CLTC: variants seen among roughly 807,000 people sequenced by gnomAD.
CLTC encodes the protein clathrin heavy chain.
In CLTC, 16 loss-of-function variants were observed where a neutral mutation model predicts 195.8. The observed-to-expected ratio is 0.08, with a 90% CI of 0.06 to 0.12. CLTC has a LOEUF of 0.12. Among genes scored for constraint, CLTC ranks in the 10% least tolerant of loss-of-function variants. The pLI, the probability that CLTC is intolerant of heterozygous loss-of-function variation, is 1.00. For missense variants in CLTC, 796 were observed against 2,027.0 expected, an observed-to-expected ratio of 0.39 and a Z score of 11.66; for synonymous variants, 667 against 689.4, an observed-to-expected ratio of 0.97 and a Z score of 0.51.
At chr17:59,656,172 T>G (rs1409460566) in intron 6 of CLTC, 145 bp downstream of exon 6, 2 of 639,806 alleles carry the variant, frequency 3.1e-6, no homozygotes, top group Middle Eastern at 3.1e-4. Flanking sequence ...AAGTAAATAG[T>G]AACTTTGGAT....
rs2033077979 is a variant in CLTC at position 59,681,344 on chromosome 17, C to T, written c.3115C>T (p.Arg1039Cys). ...ILTAIKADRT[R>C]VMEYINRLDN... ...CACTGCAATTAAGGCTGACCGTACA[C>T]GTGTTATGGAGTATATTAACCGCCT... The change falls in exon 20 of 32, where the codon CGT becomes TGT. Residue 1039 changes from arginine to cysteine, a missense_variant. Arg to Cys is a radical substitution (Grantham distance 180). Coordinates refer to ENST00000269122, the MANE Select transcript of CLTC (RefSeq NM_004859.4). This position sits in a 1 kb window ranked among gnomAD's most constrained non-coding sequence, Gnocchi z 5.0. 5 of 1,614,066 alleles carry T rather than the reference C, an allele frequency of 3.1e-6. No homozygotes were observed. The highest frequency in any genetic ancestry group is 1.3e-5 in the African/African-American group (1 of 75,030).
intron 10 of CLTC, among the ~76,000 whole-genome samples, chr17:59,665,155 G>T (rs1598226577): frequency 6.6e-6 from 1 of 151,906 alleles, no homozygotes; most frequent in East Asian, 1.9e-4. Flanking sequence ...AGCCTGGGAG[G>T]TCGAGGCTGC....
chr17:59,678,003 C>T (rs1021051580), intron 17 of CLTC, among the ~76,000 whole-genome samples: 1 of 152,170 alleles, frequency 6.6e-6, no homozygotes, highest in African/African-American at 2.4e-5. Flanking sequence ...CCCCTCCTCC[C>T]AGCCCCTGAC....
chr17:59,620,179 G>T lies in CLTC; in HGVS notation c.42+6G>T, dbSNP rs770884178. On this transcript the variant is annotated splice_donor_region_variant and intron_variant, in intron 1 of 31. Transcript: ENST00000269122. ...GTTTTCAGGAGCATCTCCAGGTGCGGCCGGGCCCGGGCTGGTGAGGGCTGT... is the reference window on the plus strand; with the variant it reads ...GTTTTCAGGAGCATCTCCAGGTGCGTCCGGGCCCGGGCTGGTGAGGGCTGT... The T allele has an allele frequency of 4.3e-6, 7 of 1,613,940 alleles. No homozygotes were observed. Among genetic ancestry groups the T allele is most frequent in the South Asian group, 2.2e-5 (2 of 91,080 alleles).
intron 1 of CLTC, among the ~76,000 whole-genome samples, chr17:59,630,870 C>G (rs1263567043): frequency 2.0e-5 from 3 of 152,166 alleles, no homozygotes; most frequent in Non-Finnish European, 4.4e-5. Context: ...CATTCATGTA[C>G]AAGTTTTTGT....
Position 59,620,090 on chromosome 17 carries a change from C to T in CLTC, c.-42C>T. On this transcript the variant is annotated 5_prime_UTR_variant, in exon 1 of 32. Coordinates refer to ENST00000269122, the MANE Select transcript of CLTC (RefSeq NM_004859.4). ...GAGAGCCCGGGCAGCCACTGCCCCG[C>T]AGCCCCAGTGACAGGAGGAGACCAT... is the stretch of plus-strand genomic sequence containing the variant. The T allele has an allele frequency of 6.2e-7, 1 of 1,609,552 alleles. No homozygotes were observed. The highest frequency in any genetic ancestry group is 8.5e-7 in the Non-Finnish European group (1 of 1,176,026).
chr17:59,641,776 G>A (rs1028469041), intron 1 of CLTC, among the ~76,000 whole-genome samples: 2 of 152,028 alleles, frequency 1.3e-5, no homozygotes, highest in South Asian at 4.1e-4. Context: ...TGTTTAATGA[G>A]AAAGTAATAT....
At chr17:59,633,700 T>C (rs1391349189) in intron 1 of CLTC, among the ~76,000 whole-genome samples, 2 of 152,144 alleles carry the variant, frequency 1.3e-5, no homozygotes, top group Non-Finnish European at 2.9e-5. Context: ...GTGATGGGGT[T>C]GACAGAATGT....
Position 59,681,625 on chromosome 17 carries a change from A to G in CLTC, c.3250-22A>G, listed in dbSNP as rs754825444. On this transcript the variant is annotated intron_variant, in intron 20 of 31. Coordinates refer to ENST00000269122, the MANE Select transcript of CLTC (RefSeq NM_004859.4). The surrounding 1 kb of genome is among the most constrained non-coding windows in gnomAD (Gnocchi z 5.0). ...GTAGGATTGATTTTACTCTAACCCT[A>G]ATTTCAAACTTGGATACTTAGGTCT... 21 of 1,598,516 alleles carry G rather than the reference A, an allele frequency of 1.3e-5. No individual in the cohort carries two copies. The highest frequency in any genetic ancestry group is 1.7e-5 in the Admixed American group (1 of 58,486).
chr17:59,641,603 CAAAAAAAA>C (rs34208843), intron 1 of CLTC, among the ~76,000 whole-genome samples: 2 of 48,848 alleles, frequency 4.1e-5, no homozygotes, highest in African/African-American at 9.1e-5. Context: ...GACTCCATCT[CAAAAAAAA>C]AAAAAAAAAA....
intron 1 of CLTC, among the ~76,000 whole-genome samples, chr17:59,624,916 C>T (rs561831201): frequency 4.6e-5 from 7 of 152,288 alleles, no homozygotes; most frequent in Admixed American, 2.0e-4. Context: ...GTGATCTGCT[C>T]GCCTTGGCCT....
Position 59,677,204 on chromosome 17 carries a change from T to C in CLTC, c.2796+16T>C. ...ACTTATTAATGTGAGTACTGCTAGC[T>C]GAATATGTAGAGAAGCTGCATTTTT... On this transcript the variant is annotated intron_variant, in intron 17 of 31. Coordinates refer to ENST00000269122, the MANE Select transcript of CLTC (RefSeq NM_004859.4). 2.5e-6 allele frequency: 4 copies of C among 1,578,872 alleles called. No homozygotes were observed. Among genetic ancestry groups the C allele is most frequent in the African/African-American group, 1.3e-5 (1 of 74,420 alleles).
rs2143593794 is a variant in CLTC, at chr17:59,682,360, G to T, written c.3532G>T (p.Ala1178Ser). 1.9e-6 allele frequency: 3 copies of T among 1,614,132 alleles called. 1 individual carries two copies. The highest frequency in any genetic ancestry group is 3.3e-4 in the Middle Eastern group (2 of 6,062). Reference protein sequence around the residue: ...YVETELIFALAKTNRLAELEE... With the variant: ...YVETELIFALSKTNRLAELEE... ...GGAGACAGAACTGATATTCGCACTGGCTAAAACAAACCGCCTTGCAGAGTT... is the reference window on the plus strand; with the variant it reads ...GGAGACAGAACTGATATTCGCACTGTCTAAAACAAACCGCCTTGCAGAGTT... Residue 1178 changes from alanine (A) to serine (S), a missense_variant, in exon 22 of 32, where the codon GCT (alanine) becomes TCT (serine). Transcript: ENST00000269122. This position sits in a 1 kb window ranked among gnomAD's most constrained non-coding sequence, Gnocchi z 6.8.
intron 1 of CLTC, among the ~76,000 whole-genome samples, chr17:59,622,039 A>G (rs1187998656): frequency 3.3e-5 from 5 of 152,208 alleles, no homozygotes; most frequent in Non-Finnish European, 7.3e-5. Context: ...TTTAAAGAGG[A>G]GACAAGAATT....
intron 8 of CLTC, among the ~76,000 whole-genome samples, 192 bp from the exon 9 acceptor site, chr17:59,663,650 A>G (rs548584767): frequency 6.6e-6 from 1 of 152,346 alleles, no homozygotes; most frequent in Admixed American, 6.5e-5. Context: ...GGATTTGTGG[A>G]GAATTCTACT....
At chr17:59,679,866 C>G (rs2033045811) in intron 18 of CLTC, among the ~76,000 whole-genome samples, 1 of 151,812 alleles carries the variant, frequency 6.6e-6, no homozygotes, top group African/African-American at 2.4e-5. Context: ...GTCAGGAGTT[C>G]GAGACCAGCC....
In CLTC at chr17:59,676,922, G is replaced by A. The variant is rs201511683; in HGVS notation, c.2562-32G>A. On this transcript the variant is annotated intron_variant, in intron 16 of 31. Coordinates refer to ENST00000269122, the MANE Select transcript of CLTC (RefSeq NM_004859.4). ...GAGTGTGTTATTTATAATACAGTAT[G>A]TGTGTGTGAGGTTTTTTTCCTTTTT... 1.4e-4 allele frequency: 207 copies of A among 1,430,102 alleles called. 1 individual carries two copies. Among genetic ancestry groups the A allele is most frequent in the South Asian group, 8.6e-4 (75 of 87,128 alleles). 88.6% of individuals were successfully genotyped at this position (1,430,102 alleles called of 1,614,324 possible).
At chr17:59,675,716 AATCT>A (rs1351915315) in intron 16 of CLTC, among the ~76,000 whole-genome samples, 1 of 151,976 alleles carries the variant, frequency 6.6e-6, no homozygotes, top group African/African-American at 2.4e-5. Flanking sequence ...GAACCTATTG[AATCT>A]ATTACCTGAA....
chr17:59,684,016 C>A lies in CLTC; in HGVS notation c.4434+31C>A, dbSNP rs376309148. 5.0e-5 allele frequency: 67 copies of A among 1,336,314 alleles called. 1 individual carries two copies. Among genetic ancestry groups the A allele is most frequent in the Non-Finnish European group, 6.5e-5 (61 of 935,876 alleles). 82.8% of individuals were successfully genotyped at this position (1,336,314 alleles called of 1,614,324 possible). A position where few individuals can be genotyped will look rare whatever the true frequency, so the allele number is the denominator to read the frequency against. Reference sequence around the variant, plus strand: ...ACCTTTTGATTCTTGCACATAATCTCAAGACTCATAAAGTTATGTTTTCCC... The same window carrying A: ...ACCTTTTGATTCTTGCACATAATCTAAAGACTCATAAAGTTATGTTTTCCC... On this transcript the variant is annotated intron_variant, in intron 28 of 31. Coordinates refer to ENST00000269122, the MANE Select transcript of CLTC (RefSeq NM_004859.4).
Sources: gnomAD v4.1 joint callset for allele counts (sites outside exome capture counted in the v4.1 genomes callset) on GRCh38, gnomAD v4.1.1 for gene constraint, Gnocchi (gnomAD v3.1) non-coding constraint, MANE v1.5 for transcripts, NCBI Gene and HGNC (gene_info 2026-07-23, HGNC 2026-07-21) for gene names.